Variants in TTC34 observed in about 807,000 individuals in gnomAD.
TTC34 encodes tetratricopeptide repeat protein 34.
Under a neutral mutation model 40.7 loss-of-function variants are expected in TTC34, and 44 were observed. The observed-to-expected ratio is 1.08, with a 90% CI of 0.85 to 1.39. TTC34 has a LOEUF of 1.39. Ranked by LOEUF, TTC34 falls within the 40% of genes most tolerant of loss-of-function variation. The pLI is 0.00. For synonymous variants in TTC34, 422 were observed against 398.6 expected (o/e 1.06, Z -0.70); for missense variants, 884 against 838.0 (o/e 1.05, Z -0.68).
chr1:2,645,171 A>G lies in TTC34; in HGVS notation c.2497+122T>C. 8.2e-7 allele frequency: 1 copy of G among 1,217,072 alleles called. No individual in the cohort carries two copies. Among genetic ancestry groups the G allele is most frequent in the Non-Finnish European group, 1.1e-6 (1 of 934,936 alleles). 75.4% of individuals were successfully genotyped at this position (1,217,072 alleles called of 1,614,324 possible). A position where few individuals can be genotyped will look rare whatever the true frequency, so the allele number is the denominator to read the frequency against. ...GGTCATGGGATTTGGGGTGGAAGGG[A>G]CCTTGGAAGCTGTTGTGGTCCGGGT... On this transcript the variant is annotated intron_variant, in intron 7 of 8. Coordinates refer to ENST00000401095, the Ensembl canonical transcript of TTC34. This position sits in a 1 kb window ranked among gnomAD's most constrained non-coding sequence, Gnocchi z 4.7.
chr1:2,787,883 C>T (rs1643612722), intron 3 of TTC34, among the ~76,000 whole-genome samples, 177 bp from the exon 4 acceptor site: 1 of 152,246 alleles, frequency 6.6e-6, no homozygotes, highest in Non-Finnish European at 1.5e-5. Flanking sequence ...AGCATGCGGC[C>T]CTCACGCTCT....
At chr1:2,773,409 C>G (rs1421543933) in intron 6 of TTC34, among the ~76,000 whole-genome samples, 1 of 95,880 alleles carries the variant, frequency 1.0e-5, no homozygotes. Flanking sequence ...CCTGGAGCAG[C>G]ACCCACACCC....
At chr1:2,772,884 G>A (rs1457542680) in intron 6 of TTC34, among the ~76,000 whole-genome samples, 5 of 76,544 alleles carry the variant, frequency 6.5e-5, no homozygotes, top group East Asian at 1.2e-3. Flanking sequence ...ACAGCCTGGA[G>A]CAGAACCCCA....
chr1:2,647,362 C>T (rs28896210), intron 6 of TTC34, among the ~76,000 whole-genome samples: 1,608 of 152,228 alleles, frequency 0.011, 73 homozygotes, highest in Admixed American at 0.073. Flanking sequence ...CAGTGGCTCA[C>T]GCCTGTAATC....
intron 6 of TTC34, among the ~76,000 whole-genome samples, chr1:2,653,071 G>A (rs56005609): frequency 6.5e-4 from 97 of 149,012 alleles, no homozygotes; most frequent in Non-Finnish European, 9.1e-4. Flanking sequence ...CTGAACGCAC[G>A]GAGCAGCACC....
intron 6 of TTC34, among the ~76,000 whole-genome samples, chr1:2,685,309 G>C (rs1401450096): frequency 8.5e-6 from 1 of 118,198 alleles, no homozygotes; most frequent in Non-Finnish European, 1.7e-5. Context: ...GCCTGGAGCA[G>C]CACACACACC....
chr1:2,700,698 T>A (rs932885799), intron 6 of TTC34, among the ~76,000 whole-genome samples: 1 of 104,794 alleles, frequency 9.5e-6, no homozygotes, highest in Admixed American at 1.1e-4. Context: ...AGACCACTGC[T>A]CCCAGGTGAG....
chr1:2,694,317 TGAGCATCTGAC>T (rs1640764032), intron 6 of TTC34, among the ~76,000 whole-genome samples: 71 of 62,934 alleles, frequency 1.1e-3, no homozygotes, highest in East Asian at 1.2e-3. Context: ...CACCCCCTGA[TGAGCATCTGAC>T]AGCCTGGAAC....
At chr1:2,773,051 C>G (rs1569843815) in intron 6 of TTC34, among the ~76,000 whole-genome samples, 234 of 148,148 alleles carry the variant, frequency 1.6e-3, no homozygotes, top group African/African-American at 5.4e-3. Context: ...TGGAGCAGCA[C>G]GCACACCCCC....
At chr1:2,778,579 C>A (rs1430217883) in intron 6 of TTC34, among the ~76,000 whole-genome samples, 1 of 152,196 alleles carries the variant, frequency 6.6e-6, no homozygotes. Flanking sequence ...CACATCTCCT[C>A]TCCTGCCCCT....
At chr1:2,694,956 A>G (rs1640792124) in intron 6 of TTC34, among the ~76,000 whole-genome samples, 1 of 151,112 alleles carries the variant, frequency 6.6e-6, no homozygotes, top group Admixed American at 6.6e-5. Context: ...CCACACCCCC[A>G]GGTGAGCATC....
At chr1:2,647,097 T>C (rs926906675) in intron 6 of TTC34, among the ~76,000 whole-genome samples, 2 of 152,194 alleles carry the variant, frequency 1.3e-5, no homozygotes, top group Non-Finnish European at 2.9e-5. Flanking sequence ...ATCTTTTTTT[T>C]TCAGGAACTT....
At chr1:2,759,516 C>T (rs1641621734) in intron 6 of TTC34, among the ~76,000 whole-genome samples, 7 of 148,324 alleles carry the variant, frequency 4.7e-5, no homozygotes, top group Non-Finnish European at 1.0e-4. Context: ...GCAGCACCCA[C>T]ACCCCCAGAT....
chr1:2,685,924 AG>A, intron 6 of TTC34, among the ~76,000 whole-genome samples: 1 of 109,050 alleles, frequency 9.2e-6, no homozygotes, highest in East Asian at 2.9e-4. Context: ...GCACACCCCC[AG>A]GTGAGCATGT....
chr1:2,688,182 C>T (rs1165679348), intron 6 of TTC34, among the ~76,000 whole-genome samples: 370 of 143,890 alleles, frequency 2.6e-3, no homozygotes, highest in African/African-American at 9.1e-3. Context: ...AGGCGAGCAT[C>T]GGACAGCCTG....
rs1570800211 is a variant in TTC34 at position 2,681,784 on chromosome 1, C to T, written c.2227-36221G>A. 4.1e-5 allele frequency among the ~76,000 whole-genome samples: 5 copies of T among 121,160 alleles called. No homozygotes were observed. In the South Asian group the frequency reaches 8.2e-4, roughly 20 times the overall value. 79.5% of individuals were successfully genotyped at this position (121,160 alleles called of 152,430 possible). ...CTGAGAGCCTGGGTCGGCACCCACACCCCCAGGTGAGCATCTGATGGTTTG... is the reference window on the plus strand; with the variant it reads ...CTGAGAGCCTGGGTCGGCACCCACATCCCCAGGTGAGCATCTGATGGTTTG... On this transcript the variant is annotated intron_variant, in intron 6 of 8. Transcript: ENST00000401095.
At chr1:2,686,700 A>C (rs907216618) in intron 6 of TTC34, among the ~76,000 whole-genome samples, 472 of 48,320 alleles carry the variant, frequency 9.8e-3, no homozygotes, top group Admixed American at 0.02. Context: ...TGCGCACGTG[A>C]CAGCCTGGAA....
intron 6 of TTC34, among the ~76,000 whole-genome samples, chr1:2,750,120 ACACACCCAGG>A: frequency 6.8e-6 from 1 of 147,492 alleles, no homozygotes; most frequent in Middle Eastern, 4.1e-3. Flanking sequence ...AACAGCACCC[ACACACCCAGG>A]TGAGCATCCG....
At position 2,642,504 on chromosome 1, in the gene TTC34, GC is replaced by G. The variant is rs200364971; in HGVS notation, c.2713-610del. Among the ~76,000 whole-genome samples, 673 of 151,960 alleles carry G rather than the reference GC, an allele frequency of 4.4e-3. 4 individuals carry two copies. The highest frequency in any genetic ancestry group is 0.015 in the African/African-American group (616 of 41,476). ...GGGCTGCTGCTGGCCAGGCCTGCCT[GC>G]CCCCCCCACTCCTCCCGGGCACTTT... On this transcript the variant is annotated intron_variant, in intron 8 of 8. Transcript: ENST00000401095.
Sources: allele counts gnomAD v4.1 joint callset (sites outside exome capture counted in the v4.1 genomes callset), GRCh38; gene constraint gnomAD v4.1.1; non-coding constraint Gnocchi (gnomAD v3.1); transcripts MANE v1.5; gene names NCBI Gene and HGNC (gene_info 2026-07-23, HGNC 2026-07-21).